Variants in TFDP2 observed in about 807,000 individuals in gnomAD.
The protein encoded by TFDP2 is transcription factor Dp-2, also known as transcription factor Dp-2 (E2F dimerization partner 2).
A neutral mutation model predicts 59.3 loss-of-function variants in TFDP2; 17 were observed. That is an observed-to-expected ratio of 0.29 (90% CI 0.20 to 0.43). TFDP2 has a LOEUF of 0.43. Among genes scored for constraint, TFDP2 ranks in the 20% least tolerant of loss-of-function variants. The pLI is 1.00. For synonymous variants in TFDP2, 180 were observed against 194.7 expected (o/e 0.92, Z 0.63); for missense variants, 391 against 528.8 (o/e 0.74, Z 2.56).
chr3:142,089,967 C>T (rs2060947090), intron 3 of TFDP2, among the ~76,000 whole-genome samples: 2 of 152,060 alleles, frequency 1.3e-5, no homozygotes, highest in African/African-American at 4.8e-5. Context: ...ATCATTGCTA[C>T]ATCATCATTT....
At chr3:141,969,599 A>C (rs910481225) in intron 9 of TFDP2, among the ~76,000 whole-genome samples, 1 of 152,042 alleles carries the variant, frequency 6.6e-6, no homozygotes, top group Non-Finnish European at 1.5e-5. Context: ...CGAAAGAGTG[A>C]GACTCAGTCT....
intron 3 of TFDP2, among the ~76,000 whole-genome samples, chr3:142,085,971 C>A (rs972836424): frequency 3.9e-5 from 6 of 152,154 alleles, no homozygotes; most frequent in Non-Finnish European, 5.9e-5. Context: ...ACCTCAGTCA[C>A]CAAATCTACT....
rs377601234 is a variant in TFDP2 at position 141,993,603 on chromosome 3, T to G, written c.309-18A>C. 1 of 1,482,830 alleles carries G rather than the reference T, an allele frequency of 6.7e-7. No individual in the cohort carries two copies. Among genetic ancestry groups the G allele is most frequent in the Non-Finnish European group, 9.3e-7 (1 of 1,075,206 alleles). 91.9% of individuals were successfully genotyped at this position (1,482,830 alleles called of 1,614,324 possible). On this transcript the variant is annotated intron_variant, in intron 5 of 12. Coordinates refer to ENST00000489671, the MANE Select transcript of TFDP2 (RefSeq NM_001178139.2). Reference sequence around the variant, plus strand: ...TTCTATCACTAAAAAGGAAAAAAGATAGCATAAAAACAATACATACTTAAA... The same window carrying G: ...TTCTATCACTAAAAAGGAAAAAAGAGAGCATAAAAACAATACATACTTAAA...
intron 10 of TFDP2, among the ~76,000 whole-genome samples, chr3:141,963,294 A>G (rs989040644): frequency 2.0e-5 from 3 of 152,230 alleles, no homozygotes; most frequent in African/African-American, 7.2e-5. Flanking sequence ...ATGTAAAAAC[A>G]CAATTTAAAG....
chr3:142,135,410 T>A (rs1380441818), intron 1 of TFDP2, among the ~76,000 whole-genome samples: 2 of 152,118 alleles, frequency 1.3e-5, no homozygotes, highest in Non-Finnish European at 2.9e-5. Context: ...TTTTTTCTTT[T>A]TTATTATTAT....
rs563169789 is a variant in TFDP2 at position 142,148,999 on chromosome 3, C to A, written c.-93+184G>T. On this transcript the variant is annotated intron_variant, in intron 1 of 12. Transcript: ENST00000489671. ...TAAGAGGGTGACCCTCCTCTGCTTTCGACTCTGGCCCAGACACTCACGGGT... is the reference window on the plus strand; with the variant it reads ...TAAGAGGGTGACCCTCCTCTGCTTTAGACTCTGGCCCAGACACTCACGGGT... 2.0e-5 allele frequency among the ~76,000 whole-genome samples: 3 copies of A among 152,228 alleles called. No homozygotes were observed. The South Asian group carries it at 6.2e-4, about 32-fold the overall frequency.
At chr3:142,012,998 A>G (rs1470770166) in intron 3 of TFDP2, among the ~76,000 whole-genome samples, 1 of 151,992 alleles carries the variant, frequency 6.6e-6, no homozygotes, top group Non-Finnish European at 1.5e-5. Flanking sequence ...TTAGCCAGGT[A>G]TGGTGGCACG....
At chr3:142,086,057 C>T (rs2060802808) in intron 3 of TFDP2, among the ~76,000 whole-genome samples, 1 of 152,084 alleles carries the variant, frequency 6.6e-6, no homozygotes, top group Non-Finnish European at 1.5e-5. Flanking sequence ...TCTTTTTCAC[C>T]TGGATTTGGT....
intron 6 of TFDP2, among the ~76,000 whole-genome samples, chr3:141,986,958 TTC>T (rs1942166569): frequency 6.6e-6 from 1 of 152,206 alleles, no homozygotes; most frequent in Admixed American, 6.5e-5. Flanking sequence ...AATAAAAAAA[TTC>T]TGTTCATTTT....
chr3:142,059,042 G>A (rs2059832842), intron 3 of TFDP2, among the ~76,000 whole-genome samples: 1 of 152,130 alleles, frequency 6.6e-6, no homozygotes, highest in African/African-American at 2.4e-5. Context: ...AAGGGCTTTA[G>A]GAACTGTGTG....
intron 6 of TFDP2, among the ~76,000 whole-genome samples, chr3:141,992,155 C>G (rs1942852381): frequency 6.6e-6 from 1 of 151,044 alleles, no homozygotes; most frequent in South Asian, 2.1e-4. Flanking sequence ...TGTGCTAAAT[C>G]TTATTTAGAA....
chr3:141,986,933 TG>T (rs1942165402), intron 6 of TFDP2, among the ~76,000 whole-genome samples: 1 of 152,238 alleles, frequency 6.6e-6, no homozygotes. Context: ...CTGGCCCGTT[TG>T]TATTTTTTGC....
chr3:141,975,995 C>G (rs1940584009), intron 7 of TFDP2, among the ~76,000 whole-genome samples: 1 of 152,096 alleles, frequency 6.6e-6, no homozygotes, highest in African/African-American at 2.4e-5. Flanking sequence ...ATTCTCCAGC[C>G]TCAGCCTCCC....
chr3:141,976,224 A>C (rs10935451), intron 7 of TFDP2, among the ~76,000 whole-genome samples: 11,319 of 152,228 alleles, frequency 0.074, 522 homozygotes, highest in Non-Finnish European at 0.11. Flanking sequence ...TAATATATCT[A>C]ATCTGAGTCC....
intron 3 of TFDP2, among the ~76,000 whole-genome samples, chr3:142,024,954 A>T (rs1477058997): frequency 6.6e-6 from 1 of 151,990 alleles, no homozygotes; most frequent in Non-Finnish European, 1.5e-5. Context: ...CGGGAAGCAC[A>T]GGTTACAGTG....
intron 6 of TFDP2, among the ~76,000 whole-genome samples, chr3:141,988,051 T>C (rs1942321421): frequency 2.0e-5 from 3 of 152,112 alleles, no homozygotes; most frequent in Admixed American, 6.5e-5. Context: ...TACTCAGCGA[T>C]CCTCCTGCCT....
intron 3 of TFDP2, among the ~76,000 whole-genome samples, chr3:142,074,615 G>A (rs1396075837): frequency 1.3e-5 from 2 of 152,042 alleles, no homozygotes; most frequent in East Asian, 1.9e-4. Flanking sequence ...ACCTTGGGAG[G>A]CCGAGGCAGG....
intron 3 of TFDP2, chr3:142,043,903 C>T (rs1230171884): frequency 3.4e-5 from 33 of 974,068 alleles, no homozygotes; most frequent in Non-Finnish European, 5.0e-5. Context: ...TCTAAGCAGC[C>T]GGCGCAGAAT....
At chr3:142,080,763 G>A (rs1268904620) in intron 3 of TFDP2, among the ~76,000 whole-genome samples, 8 of 152,150 alleles carry the variant, frequency 5.3e-5, no homozygotes, top group African/African-American at 1.9e-4. Context: ...ATTACATAAA[G>A]GGGTCAATTC....
Sources: gnomAD v4.1 joint callset for allele counts (sites outside exome capture counted in the v4.1 genomes callset) on GRCh38, gnomAD v4.1.1 for gene constraint, MANE v1.5 for transcripts, NCBI Gene and HGNC (gene_info 2026-07-23, HGNC 2026-07-21) for gene names.